TBL1X: variants seen among roughly 807,000 people sequenced by gnomAD.
TBL1X encodes F-box-like/WD repeat-containing protein TBL1X.
In TBL1X, 10 loss-of-function variants were observed where a neutral mutation model predicts 50.7. The observed-to-expected ratio is 0.20, with a 90% CI of 0.12 to 0.33. The LOEUF is 0.33. Among genes scored for constraint, TBL1X ranks in the 10% least tolerant of loss-of-function variants. The pLI is 1.00. For synonymous variants in TBL1X, 190 were observed against 214.7 expected (o/e 0.88, Z 1.01); for missense variants, 340 against 504.4 (o/e 0.67, Z 3.12).
intron 1 of TBL1X, among the ~76,000 whole-genome samples, chrX:9,484,089 C>CA (rs756758198): frequency 8.9e-6 from 1 of 112,098 alleles, no homozygotes; most frequent in East Asian, 2.8e-4. Flanking sequence ...AGGCTGGTCT[C>CA]AATCTCCTGG....
At chrX:9,483,744 G>C (rs965076668) in intron 1 of TBL1X, among the ~76,000 whole-genome samples, 3 of 105,676 alleles carry the variant, frequency 2.8e-5, no homozygotes, top group Admixed American at 2.0e-4. Flanking sequence ...CCCCACCCAG[G>C]TGATACTGAA....
chrX:9,518,517 G>T (rs992824612), intron 2 of TBL1X, among the ~76,000 whole-genome samples: 1 of 112,276 alleles, frequency 8.9e-6, no homozygotes, highest in African/African-American at 3.2e-5. Flanking sequence ...CCTGGGAGAG[G>T]TAATACATTA....
At chrX:9,532,931 A>T (rs1473699783) in intron 2 of TBL1X, among the ~76,000 whole-genome samples, 1 of 111,507 alleles carries the variant, frequency 9.0e-6, no homozygotes, top group Non-Finnish European at 1.9e-5. Flanking sequence ...AATGTCCAGA[A>T]CAGGAAAATC....
chrX:9,701,621 T>C (rs1366157024), intron 12 of TBL1X, among the ~76,000 whole-genome samples: 6 of 105,639 alleles, frequency 5.7e-5, no homozygotes, highest in Non-Finnish European at 1.2e-4. Context: ...AAACAACTCT[T>C]AATGTTTTGA....
At chrX:9,508,254 AC>A (rs749732389) in intron 2 of TBL1X, among the ~76,000 whole-genome samples, 8 of 112,496 alleles carry the variant, frequency 7.1e-5, no homozygotes, top group Non-Finnish European at 1.3e-4. Context: ...CAAGAAAAAA[AC>A]AACCCCATCA....
chrX:9,639,627 T>C (rs2082764929), intron 2 of TBL1X, among the ~76,000 whole-genome samples: 1 of 112,403 alleles, frequency 8.9e-6, no homozygotes, highest in African/African-American at 3.2e-5. Flanking sequence ...GAAACAGAAA[T>C]GTCTGAAGAG....
intron 5 of TBL1X, among the ~76,000 whole-genome samples, chrX:9,657,506 C>A (rs774262710): frequency 6.2e-4 from 70 of 112,474 alleles, no homozygotes; most frequent in African/African-American, 2.2e-3. Context: ...CTCAGACAGC[C>A]GGGAAGCAGG....
chrX:9,598,879 T>C (rs771850280), intron 2 of TBL1X, among the ~76,000 whole-genome samples: 1 of 110,268 alleles, frequency 9.1e-6, no homozygotes, highest in African/African-American at 3.3e-5. Context: ...CATGGCCTTT[T>C]CCCTGTGTCC....
At chrX:9,612,795 C>A (rs1172235096) in intron 2 of TBL1X, among the ~76,000 whole-genome samples, 1 of 111,007 alleles carries the variant, frequency 9.0e-6, no homozygotes, top group Non-Finnish European at 1.9e-5. Context: ...ATCAAAACAT[C>A]TCATGTACTC....
At chrX:9,601,837 T>C (rs934020341) in intron 2 of TBL1X, among the ~76,000 whole-genome samples, 1 of 110,994 alleles carries the variant, frequency 9.0e-6, no homozygotes, top group African/African-American at 3.3e-5. Flanking sequence ...AGGCCAGGAG[T>C]TCAAGACCAG....
intron 1 of TBL1X, among the ~76,000 whole-genome samples, chrX:9,485,194 C>T (rs1370937685): frequency 8.9e-6 from 1 of 112,026 alleles, no homozygotes; most frequent in African/African-American, 3.2e-5. Flanking sequence ...AAGACTCTGC[C>T]TTTCTAATGG....
intron 2 of TBL1X, among the ~76,000 whole-genome samples, chrX:9,549,656 G>A (rs991847731): frequency 3.6e-5 from 4 of 111,611 alleles, no homozygotes; most frequent in African/African-American, 6.5e-5. Context: ...ACTTACTTTC[G>A]TAGGTTTAAT....
chrX:9,549,036 C>T (rs1469719181), intron 2 of TBL1X, among the ~76,000 whole-genome samples: 1 of 113,294 alleles, frequency 8.8e-6, no homozygotes, highest in Non-Finnish European at 1.9e-5. Flanking sequence ...TACTTGAAGA[C>T]AGCAGCTGGC....
chrX:9,560,651 C>T (rs750134582), intron 2 of TBL1X: 13 of 111,991 alleles, frequency 1.2e-4, no homozygotes, highest in Non-Finnish European at 2.3e-4. Context: ...AATGGGAAAC[C>T]AGTTAGGAGA....
At chrX:9,658,520 A>G (rs1050183331) in intron 5 of TBL1X, among the ~76,000 whole-genome samples, 1 of 111,005 alleles carries the variant, frequency 9.0e-6, no homozygotes, top group African/African-American at 3.3e-5. Context: ...GTGGAAGTCC[A>G]TTTTCCACTT....
chrX:9,527,254 G>A (rs777329193), intron 2 of TBL1X, among the ~76,000 whole-genome samples: 19 of 111,808 alleles, frequency 1.7e-4, no homozygotes, highest in Non-Finnish European at 2.4e-4. Flanking sequence ...TACTCACCAC[G>A]GGAGTTTATT....
At chrX:9,471,878 A>T (rs1312721268) in intron 1 of TBL1X, among the ~76,000 whole-genome samples, 1 of 111,371 alleles carries the variant, frequency 9.0e-6, no homozygotes, top group Non-Finnish European at 1.9e-5. Context: ...CCTGGAACCG[A>T]TTATGACCCC....
intron 2 of TBL1X, among the ~76,000 whole-genome samples, chrX:9,591,420 C>T (rs949066438): frequency 1.8e-5 from 2 of 112,169 alleles, no homozygotes; most frequent in African/African-American, 3.2e-5. Flanking sequence ...CTTGGCCAGC[C>T]GATTCATGCA....
intron 2 of TBL1X, among the ~76,000 whole-genome samples, chrX:9,530,120 T>A (rs1391786311): frequency 2.7e-5 from 3 of 111,550 alleles, no homozygotes; most frequent in African/African-American, 9.8e-5. Context: ...AAAGACGATT[T>A]AAAAAAACAA....
Sources: allele counts gnomAD v4.1 joint callset (sites outside exome capture counted in the v4.1 genomes callset), GRCh38; gene constraint gnomAD v4.1.1; transcripts MANE v1.5; gene names NCBI Gene and HGNC (gene_info 2026-07-23, HGNC 2026-07-21).